Variants in APC2 observed in about 807,000 individuals in gnomAD.
APC2 encodes the protein APC regulator of Wnt signaling pathway 2, also known as adenomatous polyposis coli protein 2.
Under a neutral mutation model 72.5 loss-of-function variants are expected in APC2, and 41 were observed. The ratio of observed to expected loss-of-function variants is 0.57; its 90% CI spans 0.44 to 0.73. APC2 has a LOEUF of 0.73. APC2 is among the 30% of genes least tolerant of loss of function. The pLI, the probability that APC2 is intolerant of heterozygous loss-of-function variation, is 0.00. For missense variants in APC2, 3,729 were observed against 3,403.4 expected (o/e 1.10, Z -2.38); for synonymous variants, 1,898 against 1,612.0 (o/e 1.18, Z -4.25).
At chr19:1,462,516 G>A (rs1023843164) in intron 14 of APC2, among the ~76,000 whole-genome samples, 2 of 151,726 alleles carry the variant, frequency 1.3e-5, no homozygotes, top group Non-Finnish European at 2.9e-5. Flanking sequence ...TTAGCCAGGT[G>A]TGGTGGCGGG....
Position 1,469,914 on chromosome 19 carries a change from AC to A in APC2, c.6614del (p.Thr2205SerfsTer130), listed in dbSNP as rs2084104116. The A allele has an allele frequency of 6.6e-7, 1 of 1,521,444 alleles. No individual in the cohort carries two copies. Among genetic ancestry groups the A allele is most frequent in the Non-Finnish European group, 8.8e-7 (1 of 1,141,198 alleles). The allele number at this position is 1,521,444 out of a possible 1,614,324, so 94.2% of individuals were successfully genotyped here. ...CGCCGCCCCCAAGACCAACTCCAGC[AC>A]GTCCCCGAGCCTGGAGACCAGGGAG... ...EVAAPKTNSS[T>X]SPSLETREPP... On this transcript the variant is annotated frameshift_variant, in exon 15 of 15. Transcript: ENST00000590469. LOFTEE classifies it low-confidence loss of function (END_TRUNC).
At position 1,460,760 on chromosome 19, in the gene APC2, G is replaced by A. The variant is rs201648002; in HGVS notation, c.1444-20G>A. On this transcript the variant is annotated intron_variant, in intron 11 of 14. Transcript: ENST00000590469. ...CCTTGTGTCCCAACCCCGTGACCCCGGCTGCATAACCCCCAACAGGCCACC... is the reference window on the plus strand; with the variant it reads ...CCTTGTGTCCCAACCCCGTGACCCCAGCTGCATAACCCCCAACAGGCCACC... The A allele has an allele frequency of 3.3e-4, 532 of 1,609,506 alleles. 3 individuals carry two copies. Among genetic ancestry groups the A allele is most frequent in the Middle Eastern group, 4.9e-4 (3 of 6,066 alleles).
chr19:1,452,666 G>A lies in APC2; in HGVS notation c.-18-318G>A, dbSNP rs531805695. On this transcript the variant is annotated intron_variant, in intron 1 of 14. Transcript: ENST00000590469. This position sits in a 1 kb window ranked among gnomAD's most constrained non-coding sequence, Gnocchi z 5.1. Reference sequence around the variant, plus strand: ...TCCGGCTGTCAGGATGTGTCCTGGGGGCTGGGAAGGAGAGGCCGACCCATC... The same window carrying A: ...TCCGGCTGTCAGGATGTGTCCTGGGAGCTGGGAAGGAGAGGCCGACCCATC... The A allele has an allele frequency of 9.2e-6, 3 of 324,374 alleles. No homozygotes were observed. In the East Asian group the frequency reaches 2.0e-4, roughly 22 times the overall value. The allele number at this position is 324,374 out of a possible 1,614,324, so 20.1% of individuals were successfully genotyped here. A position where few individuals can be genotyped will look rare whatever the true frequency, so the allele number is the denominator to read the frequency against.
At position 1,470,790 on chromosome 19, in the gene APC2, G is replaced by C. The variant is rs553445415; in HGVS notation, c.*577G>C. 22 of 152,490 alleles carry C rather than the reference G, an allele frequency of 1.4e-4. No homozygotes were observed. The highest frequency in any genetic ancestry group is 1.2e-3 in the Admixed American group (18 of 15,312). 9.4% of individuals were successfully genotyped at this position (152,490 alleles called of 1,614,324 possible). On this transcript the variant is annotated 3_prime_UTR_variant, in exon 15 of 15. Coordinates refer to ENST00000590469, the MANE Select transcript of APC2 (RefSeq NM_005883.3). The stretch of plus-strand genomic sequence containing the variant: ...TCTCAGCCCCAGCTGTGGGAGTGCG[G>C]GTGGGGGTGTGGCCGAGCCCCGGCA...
chr19:1,457,237 G>A lies in APC2; in HGVS notation c.1201G>A (p.Gly401Ser), dbSNP rs1321740058. 4.6e-6 allele frequency: 7 copies of A among 1,527,954 alleles called. No homozygotes were observed. Among genetic ancestry groups the A allele is most frequent in the Non-Finnish European group, 3.5e-6 (4 of 1,141,624 alleles). 94.6% of individuals were successfully genotyped at this position (1,527,954 alleles called of 1,614,324 possible). A position where few individuals can be genotyped will look rare whatever the true frequency, so the allele number is the denominator to read the frequency against. ...RDGGPEGGGA[G>S]SAPIPIEPQI... ...CGGCGGGCCCGAGGGAGGTGGCGCC[G>A]GCAGCGGTGAGTGCCTGGCCTGGTG... Residue 401 changes from glycine to serine, a missense_variant, in exon 9 of 15, where the codon GGC becomes AGC. By Grantham distance (56) the Gly-to-Ser change is moderately conservative. Coordinates refer to ENST00000590469, the MANE Select transcript of APC2 (RefSeq NM_005883.3).
intron 9 of APC2, chr19:1,457,498 G>A (rs1237803084): frequency 4.1e-5 from 23 of 565,956 alleles, no homozygotes; most frequent in Middle Eastern, 4.6e-4. Flanking sequence ...CTGGAAAGTT[G>A]GGTGCAGACT....
rs779635546 is a variant in APC2, at chr19:1,467,435, C to CGCCCCG, written c.4145_4150dup (p.Pro1382_Ala1383dup). On this transcript the variant is annotated inframe_insertion, in exon 15 of 15. Transcript: ENST00000590469. ...CCGTGCCCGTCTACATGTTGGTGCC[C>CGCCCCG]GCCCCGGCCCCGGCCCAGGAGGACG... 1.3e-5 allele frequency: 19 copies of CGCCCCG among 1,481,186 alleles called. No homozygotes were observed. The Middle Eastern group carries it at 8.3e-4, about 64-fold the overall frequency. The allele number at this position is 1,481,186 out of a possible 1,614,324, so 91.8% of individuals were successfully genotyped here.
chr19:1,462,715 A>G (rs966656104), intron 14 of APC2, among the ~76,000 whole-genome samples: 8 of 150,904 alleles, frequency 5.3e-5, no homozygotes, highest in Admixed American at 2.0e-4. Context: ...TCACACCTGT[A>G]ATCCCAGCAC....
In APC2 at chr19:1,469,561, G is replaced by A. The variant is rs765644423; in HGVS notation, c.6260G>A (p.Arg2087His). The change falls in exon 15 of 15, where the codon CGC becomes CAC. Residue 2087 changes from arginine to histidine, a missense_variant. Coordinates refer to ENST00000590469, the MANE Select transcript of APC2 (RefSeq NM_005883.3). The part of the protein sequence containing the change: ...TSESPSRLPV[R>H]APAARPETVK... ...GAGAGCCCGTCCCGCCTGCCTGTGC[G>A]CGCGCCCGCCGCCCGGCCGGAGACT... 4 of 1,232,838 alleles carry A rather than the reference G, an allele frequency of 3.2e-6. No homozygotes were observed. The South Asian group carries it at 5.5e-5, about 17-fold the overall frequency. 76.4% of individuals were successfully genotyped at this position (1,232,838 alleles called of 1,614,324 possible).
At position 1,456,384 on chromosome 19, in the gene APC2, C is replaced by T. The variant is rs146579468; in HGVS notation, c.796C>T (p.Pro266Ser). ...CCCCACACACCCTGAGGATGGCACC[C>T]CTCAGCCGGGCAACAGCAAGGTGAG... ...EVPTHPEDGT[P>S]QPGNSKVEVV... Residue 266 changes from proline to serine, a missense_variant, in exon 8 of 15, where the codon CCT (proline) becomes TCT (serine). Coordinates refer to ENST00000590469, the MANE Select transcript of APC2 (RefSeq NM_005883.3). 38 of 1,605,498 alleles carry T rather than the reference C, an allele frequency of 2.4e-5. No individual in the cohort carries two copies. Among genetic ancestry groups the T allele is most frequent in the Admixed American group, 5.0e-5 (3 of 59,460 alleles).
upstream of APC2, among the ~76,000 whole-genome samples, chr19:1,449,995 C>T (rs1233390628): frequency 6.6e-6 from 1 of 152,020 alleles, no homozygotes; most frequent in East Asian, 1.9e-4. Flanking sequence ...GGAGGCCCGA[C>T]GCCCCGCGGC....
At chr19:1,446,941 G>A (rs367874846), upstream of APC2, among the ~76,000 whole-genome samples, 22 of 152,216 alleles carry the variant, frequency 1.4e-4, no homozygotes, top group African/African-American at 5.3e-4. The surrounding 1 kb of genome is among the most constrained non-coding windows in gnomAD (Gnocchi z 6.1). Flanking sequence ...GCAGCGGGGA[G>A]CCCAAGGTCA....
At chr19:1,461,851 C>CAAAA in intron 13 of APC2, 112 bp from the exon 14 acceptor site, 2 of 722,512 alleles carry the variant, frequency 2.8e-6, no homozygotes, top group Non-Finnish European at 4.1e-6. Context: ...GATTCCGTCT[C>CAAAA]AAAAAAAAAA....
In APC2 at chr19:1,461,441, C is replaced by T. The variant is rs537375407; in HGVS notation, c.1638+288C>T. On this transcript the variant is annotated intron_variant, in intron 13 of 14. Transcript: ENST00000590469. Reference sequence around the variant, plus strand: ...AAAAACAGCCAGGCGTGGCAGCGGGCGCCTGTTAGTCCAGCTACTCGGGAG... The same window carrying T: ...AAAAACAGCCAGGCGTGGCAGCGGGTGCCTGTTAGTCCAGCTACTCGGGAG... 1,314 of 481,392 alleles carry T rather than the reference C, an allele frequency of 2.7e-3. 1 individual carries two copies. The highest frequency in any genetic ancestry group is 4.0e-3 in the Non-Finnish European group (1,054 of 266,782). 29.8% of individuals were successfully genotyped at this position (481,392 alleles called of 1,614,324 possible). A position where few individuals can be genotyped will look rare whatever the true frequency, so the allele number is the denominator to read the frequency against.
Position 1,453,543 on chromosome 19 carries a change from C to G in APC2, c.345C>G (p.Pro115=). The G allele has an allele frequency of 6.2e-7, 1 of 1,611,764 alleles. No homozygotes were observed. The highest frequency in any genetic ancestry group is 8.5e-7 in the Non-Finnish European group (1 of 1,179,602). ...GCAGCCCAGTACACGGCTCCGGGCC[C>G]TCCAAGGACAGCTTTGGGGAGCTGA... The part of the protein sequence containing the change: ...PEGSPVHGSG[P]SKDSFGELSR... Residue 115 remains proline, a synonymous_variant, in exon 4 of 15, where the codon CCC becomes CCG. Coordinates refer to ENST00000590469, the MANE Select transcript of APC2 (RefSeq NM_005883.3).
chr19:1,450,189 C>T lies in APC2; in HGVS notation c.-168C>T, dbSNP rs1569134419. The T allele has an allele frequency of 2.0e-6, 2 of 985,278 alleles. No homozygotes were observed. The highest frequency in any genetic ancestry group is 1.7e-5 in the African/African-American group (1 of 57,320). 61.0% of individuals were successfully genotyped at this position (985,278 alleles called of 1,614,324 possible). A position where few individuals can be genotyped will look rare whatever the true frequency, so the allele number is the denominator to read the frequency against. Reference sequence around the variant, plus strand: ...CAGGCCCGGACCGGGCTTTGTCCGCCCCGGAGCCCCTGCCCGCGCCGCGGA... The same window carrying T: ...CAGGCCCGGACCGGGCTTTGTCCGCTCCGGAGCCCCTGCCCGCGCCGCGGA... On this transcript the variant is annotated 5_prime_UTR_variant, in exon 1 of 15. Transcript: ENST00000590469.
In APC2 at chr19:1,470,990, GGC is replaced by G. The variant is rs1417538522; in HGVS notation, c.*778_*779del. ...CGATGGGACCCTGGTGCAGACGCCG[GGC>G]CGGCTGACATTTGGACCCCATCCCA... On this transcript the variant is annotated 3_prime_UTR_variant, in exon 15 of 15. Coordinates refer to ENST00000590469, the MANE Select transcript of APC2 (RefSeq NM_005883.3). 2 of 152,236 alleles carry G rather than the reference GGC, an allele frequency of 1.3e-5. No homozygotes were observed. Among genetic ancestry groups the G allele is most frequent in the Non-Finnish European group, 2.9e-5 (2 of 68,070 alleles). 9.4% of individuals were successfully genotyped at this position (152,236 alleles called of 1,614,324 possible).
chr19:1,455,960 G>A (rs1199996403), intron 6 of APC2, 116 bp from the exon 7 acceptor site: 118 of 428,064 alleles, frequency 2.8e-4, no homozygotes, highest in Non-Finnish European at 3.3e-4. Context: ...GCCTGGGGCG[G>A]GGTTATCAGG....
intron 9 of APC2, chr19:1,457,662 C>T: frequency 1.9e-6 from 1 of 525,900 alleles, no homozygotes; most frequent in East Asian, 3.4e-5. Context: ...CATGCTACTG[C>T]ACTCCAGTCT....
Sources: allele counts gnomAD v4.1 joint callset (sites outside exome capture counted in the v4.1 genomes callset), GRCh38; gene constraint gnomAD v4.1.1; non-coding constraint Gnocchi (gnomAD v3.1); transcripts MANE v1.5; gene names NCBI Gene and HGNC (gene_info 2026-07-23, HGNC 2026-07-21).